DENND2C: variants seen among roughly 807,000 people sequenced by gnomAD.
DENND2C encodes DENN domain containing 2C, also known as DENN domain-containing protein 2C.
DENND2C carries 72 observed loss-of-function variants against 112.4 expected under a neutral mutation model. The ratio of observed to expected loss-of-function variants is 0.64; its 90% CI spans 0.53 to 0.78. The LOEUF (loss-of-function observed/expected upper bound fraction) is 0.78, where lower values mean the gene tolerates loss of function less well. Ranked by LOEUF, DENND2C falls within the 30% of genes least tolerant of loss-of-function variation. The pLI is 0.00. For synonymous variants in DENND2C, 329 were observed against 381.6 expected (o/e 0.86, Z 1.61); for missense variants, 992 against 1,113.8 (o/e 0.89, Z 1.56).
chr1:114,653,313 T>A (rs1362408311), intron 2 of DENND2C, among the ~76,000 whole-genome samples: 2 of 152,036 alleles, frequency 1.3e-5, no homozygotes, highest in Admixed American at 1.3e-4. Flanking sequence ...TTCATCATGT[T>A]ACCCAGGCTG....
intron 2 of DENND2C, among the ~76,000 whole-genome samples, chr1:114,650,236 T>A (rs962258489): frequency 1.3e-5 from 2 of 151,886 alleles, no homozygotes; most frequent in Non-Finnish European, 2.9e-5. Context: ...GGCAGGAGAA[T>A]CGCTTGAACC....
intron 8 of DENND2C, among the ~76,000 whole-genome samples, chr1:114,612,341 G>T (rs1655841818): frequency 6.8e-6 from 1 of 147,578 alleles, no homozygotes. Context: ...CAATTTGGCA[G>T]CAGTTATAAA....
At chr1:114,623,402 C>T (rs1218694591) in intron 5 of DENND2C, 105 bp downstream of exon 5, 6 of 1,149,550 alleles carry the variant, frequency 5.2e-6, no homozygotes, top group Admixed American at 2.7e-5. Context: ...AGAGAAAAAC[C>T]TAGAGCAATA....
At chr1:114,591,233 G>C (rs1193771514) in intron 18 of DENND2C, among the ~76,000 whole-genome samples, 4 of 152,150 alleles carry the variant, frequency 2.6e-5, no homozygotes, top group Non-Finnish European at 5.9e-5. Context: ...CTCCCGAAGT[G>C]CTAGGATTAC....
chr1:114,630,077 G>A (rs546873155), intron 3 of DENND2C, among the ~76,000 whole-genome samples: 3 of 152,264 alleles, frequency 2.0e-5, no homozygotes, highest in African/African-American at 7.2e-5. Context: ...CACTTTGGGA[G>A]GCTGAGGCGG....
At chr1:114,661,457 T>C (rs550337845) in intron 1 of DENND2C, among the ~76,000 whole-genome samples, 32 of 152,366 alleles carry the variant, frequency 2.1e-4, no homozygotes, top group African/African-American at 7.5e-4. Context: ...GGAATGATTC[T>C]TGAATAAATA....
chr1:114,656,117 GA>G (rs1318036801), intron 1 of DENND2C, among the ~76,000 whole-genome samples: 1 of 151,716 alleles, frequency 6.6e-6, no homozygotes, highest in African/African-American at 2.4e-5. Flanking sequence ...ATCCAGGCTG[GA>G]GTGCAATGGT....
At chr1:114,648,726 T>C (rs1183971537) in intron 2 of DENND2C, among the ~76,000 whole-genome samples, 1 of 152,142 alleles carries the variant, frequency 6.6e-6, no homozygotes, top group Non-Finnish European at 1.5e-5. Flanking sequence ...GACTGGTATC[T>C]GACTCCCACC....
chr1:114,647,020 C>T (rs936367632), intron 2 of DENND2C, among the ~76,000 whole-genome samples: 6 of 152,140 alleles, frequency 3.9e-5, no homozygotes, highest in Admixed American at 2.0e-4. Context: ...ATAAGCTGGA[C>T]GTGGTGGTGC....
chr1:114,628,670 T>G (rs1341318808), intron 3 of DENND2C, among the ~76,000 whole-genome samples: 7 of 152,272 alleles, frequency 4.6e-5, no homozygotes, highest in African/African-American at 1.7e-4. Flanking sequence ...GCTTGCGTGT[T>G]CTCACATACA....
At chr1:114,659,213 A>G (rs2101696745) in intron 1 of DENND2C, among the ~76,000 whole-genome samples, 1 of 152,324 alleles carries the variant, frequency 6.6e-6, no homozygotes, top group East Asian at 1.9e-4. Context: ...TTCAAGATGC[A>G]GTAGTGGCCA....
chr1:114,600,988 T>C lies in DENND2C; in HGVS notation c.1816-28A>G, dbSNP rs1182885237. The C allele has an allele frequency of 3.1e-6, 5 of 1,590,164 alleles. No individual in the cohort carries two copies. In the South Asian group the frequency reaches 5.7e-5, roughly 18 times the overall value. Reference sequence around the variant, plus strand: ...ATATACGCAAAGTGTTATTTTATTATGGACTAAGTTAAAAAATATAAAAGA... The same window carrying C: ...ATATACGCAAAGTGTTATTTTATTACGGACTAAGTTAAAAAATATAAAAGA... On this transcript the variant is annotated intron_variant, in intron 13 of 20. Transcript: ENST00000393274.
At chr1:114,611,414 G>C (rs545907780) in intron 8 of DENND2C, among the ~76,000 whole-genome samples, 1 of 152,128 alleles carries the variant, frequency 6.6e-6, no homozygotes, top group South Asian at 2.1e-4. Flanking sequence ...TAAGAGTCTA[G>C]TTCAGAGTGG....
In DENND2C at chr1:114,625,599, T is replaced by C. The variant is rs1656315781; in HGVS notation, c.386A>G (p.Glu129Gly). 2 of 1,614,054 alleles carry C rather than the reference T, an allele frequency of 1.2e-6. No homozygotes were observed. Among genetic ancestry groups the C allele is most frequent in the Admixed American group, 3.3e-5 (2 of 60,006 alleles). Residue 129 changes from glutamate (E) to glycine (G), a missense_variant, in exon 4 of 21, where the codon GAA becomes GGA. By Grantham distance (98) the Glu-to-Gly change is moderately conservative. Transcript: ENST00000393274. ...SRVKEIESCKEDVLDPETSLP... is the reference protein window; with the variant it reads ...SRVKEIESCKGDVLDPETSLP... ...TGAAGTCTCTGGATCTAAGACATCTTCTTTACAGCTTTCAATTTCTTTGAC... is the reference window on the plus strand; with the variant it reads ...TGAAGTCTCTGGATCTAAGACATCTCCTTTACAGCTTTCAATTTCTTTGAC...
At chr1:114,591,831 T>TC (rs1655199358) in intron 18 of DENND2C, among the ~76,000 whole-genome samples, 1 of 138,926 alleles carries the variant, frequency 7.2e-6, no homozygotes, top group East Asian at 2.2e-4. Flanking sequence ...TTCATTTTTT[T>TC]CATATAGAGA....
intron 3 of DENND2C, among the ~76,000 whole-genome samples, chr1:114,630,672 G>C (rs534357559): frequency 1.1e-4 from 16 of 152,310 alleles, no homozygotes; most frequent in African/African-American, 3.8e-4. Flanking sequence ...TATCAGAAAA[G>C]AGAGCAACAT....
chr1:114,668,922 G>A (rs1657714743), intron 1 of DENND2C, among the ~76,000 whole-genome samples: 1 of 152,200 alleles, frequency 6.6e-6, no homozygotes, highest in African/African-American at 2.4e-5. Context: ...AGACAAAGAA[G>A]TAGATTATTT....
intron 9 of DENND2C, among the ~76,000 whole-genome samples, 161 bp downstream of exon 9, chr1:114,610,912 C>G (rs1055607731): frequency 1.2e-4 from 18 of 152,144 alleles, no homozygotes; most frequent in African/African-American, 4.3e-4. Context: ...TTAATTCTGA[C>G]TGTTTAATTC....
chr1:114,619,303 C>CT (rs1198672666), intron 7 of DENND2C, among the ~76,000 whole-genome samples: 3 of 151,922 alleles, frequency 2.0e-5, no homozygotes, highest in East Asian at 1.9e-4. Flanking sequence ...AAATACTTTT[C>CT]TTTTTTTCTT....
Sources: allele counts gnomAD v4.1 joint callset (sites outside exome capture counted in the v4.1 genomes callset), GRCh38; gene constraint gnomAD v4.1.1; transcripts MANE v1.5; gene names NCBI Gene and HGNC (gene_info 2026-07-23, HGNC 2026-07-21).